TNRC6B: variants seen among roughly 807,000 people sequenced by gnomAD.
TNRC6B encodes the protein trinucleotide repeat-containing gene 6B protein.
In TNRC6B, 52 loss-of-function variants were observed where a neutral mutation model predicts 203.6. The observed-to-expected ratio is 0.26, with a 90% CI of 0.20 to 0.32. TNRC6B has a LOEUF of 0.32. Ranked by LOEUF, TNRC6B falls within the 10% of genes least tolerant of loss-of-function variation. The pLI is 1.00. For synonymous variants in TNRC6B, 838 were observed against 845.7 expected (o/e 0.99, Z 0.16); for missense variants, 1,923 against 2,286.2 (o/e 0.84, Z 3.24).
At chr22:40,232,974 C>T (rs977227155) in intron 1 of TNRC6B, among the ~76,000 whole-genome samples, 1 of 151,290 alleles carries the variant, frequency 6.6e-6, no homozygotes, top group African/African-American at 2.4e-5. Context: ...ATGGTGAAAC[C>T]CTGTCTCTAC....
At chr22:40,230,088 C>CA (rs1426164825) in intron 1 of TNRC6B, among the ~76,000 whole-genome samples, 2 of 152,136 alleles carry the variant, frequency 1.3e-5, no homozygotes, top group Non-Finnish European at 2.9e-5. Context: ...GAGAGAGTTC[C>CA]ATTTGTTAAT....
chr22:40,112,498 G>A (rs903310601), intron 1 of TNRC6B, among the ~76,000 whole-genome samples: 9 of 152,272 alleles, frequency 5.9e-5, no homozygotes, highest in South Asian at 4.2e-4. Context: ...AGGAGGACCC[G>A]ACACAGCCTG....
At chr22:40,251,337 G>A (rs1257180101) in intron 3 of TNRC6B, 137 bp downstream of exon 3, 4 of 615,510 alleles carry the variant, frequency 6.5e-6, no homozygotes, top group African/African-American at 1.9e-5. Context: ...CAGTCACTGA[G>A]GAGCAGTAAT....
chr22:40,104,053 C>A (rs1246773772), intron 1 of TNRC6B, among the ~76,000 whole-genome samples: 1 of 150,668 alleles, frequency 6.6e-6, no homozygotes, highest in East Asian at 2.0e-4. Context: ...GAGTTCAAGA[C>A]CAGCCTGGCC....
chr22:40,315,869 A>C, intron 20 of TNRC6B, 73 bp from the exon 21 acceptor site: 2 of 1,123,538 alleles, frequency 1.8e-6, no homozygotes, highest in Non-Finnish European at 1.3e-6. Context: ...GCTACATGAA[A>C]ATCTTTCTCC....
rs549031277 is a variant in TNRC6B, at chr22:40,053,053, G to A, written c.-121+8055G>A. ...AGCATTTCACCATCCTCTGAATGTC[G>A]ATTTGTGCTTTCTTTTTCCCCCAAA... On this transcript the variant is annotated intron_variant, in intron 1 of 23. Transcript: ENST00000301923. 5.9e-5 allele frequency among the ~76,000 whole-genome samples: 9 copies of A among 151,404 alleles called. No homozygotes were observed. The South Asian group carries it at 1.7e-3, about 28-fold the overall frequency.
intron 2 of TNRC6B, among the ~76,000 whole-genome samples, chr22:40,120,952 G>A (rs1294854178): frequency 6.6e-6 from 1 of 152,134 alleles, no homozygotes; most frequent in African/African-American, 2.4e-5. Flanking sequence ...AAGGGAAAAG[G>A]GAGAGAAAAG....
intron 2 of TNRC6B, 163 bp downstream of exon 2, chr22:40,246,265 C>A: frequency 2.2e-6 from 1 of 447,980 alleles, no homozygotes; most frequent in Non-Finnish European, 4.0e-6. Flanking sequence ...TCTTGGCTCA[C>A]TACAACCTCC....
At chr22:40,125,119 T>C (rs1218464262) in intron 2 of TNRC6B, among the ~76,000 whole-genome samples, 2 of 152,246 alleles carry the variant, frequency 1.3e-5, no homozygotes, top group Admixed American at 1.3e-4. Flanking sequence ...TCATAAAATT[T>C]TAACAAACTT....
At chr22:40,203,378 C>T (rs1294854760) in intron 1 of TNRC6B, among the ~76,000 whole-genome samples, 1 of 152,024 alleles carries the variant, frequency 6.6e-6, no homozygotes, top group Non-Finnish European at 1.5e-5. Flanking sequence ...TTTGCCCTTC[C>T]GTAACAAAAG....
chr22:40,155,995 TC>T, intron 3 of TNRC6B: 1 of 787,404 alleles, frequency 1.3e-6, no homozygotes, highest in Non-Finnish European at 2.0e-6. Flanking sequence ...GGCCCAGGCT[TC>T]TGTTCTGTGC....
At position 40,335,645 on chromosome 22, in the gene TNRC6B, A is replaced by G. The variant is rs1469571735; in HGVS notation, c.*12404A>G. ...CTGAAGGGTTTTTTTTGGGCTTTTAAACAGCTTATTTTTGTTTTTGTTTAG... is the reference window on the plus strand; with the variant it reads ...CTGAAGGGTTTTTTTTGGGCTTTTAGACAGCTTATTTTTGTTTTTGTTTAG... On this transcript the variant is annotated 3_prime_UTR_variant, in exon 23 of 23. Transcript: ENST00000454349. 6 of 150,912 alleles carry G rather than the reference A, an allele frequency of 4.0e-5. No individual in the cohort carries two copies. In the East Asian group the frequency reaches 1.2e-3, roughly 29 times the overall value. The allele number at this position is 150,912 out of a possible 1,614,324, so 9.3% of individuals were successfully genotyped here. A position where few individuals can be genotyped will look rare whatever the true frequency, so the allele number is the denominator to read the frequency against.
chr22:40,217,970 C>T, intron 1 of TNRC6B, among the ~76,000 whole-genome samples: 1 of 59,990 alleles, frequency 1.7e-5, no homozygotes, highest in African/African-American at 3.3e-5. Flanking sequence ...AAGACTCCAT[C>T]TCAAAAAAAA....
intron 1 of TNRC6B, among the ~76,000 whole-genome samples, chr22:40,216,625 CAG>C (rs902076298): frequency 1.3e-5 from 2 of 152,106 alleles, no homozygotes; most frequent in African/African-American, 4.8e-5. Flanking sequence ...AATAAAAAAA[CAG>C]AAACAAAAAC....
chr22:40,082,148 T>C (rs1245310821), intron 1 of TNRC6B, among the ~76,000 whole-genome samples: 1 of 152,260 alleles, frequency 6.6e-6, no homozygotes, highest in South Asian at 2.1e-4. Flanking sequence ...CTGCTTGTTC[T>C]ACTTTTGTAT....
intron 12 of TNRC6B, among the ~76,000 whole-genome samples, chr22:40,298,657 T>A (rs1601502182): frequency 6.6e-6 from 1 of 152,332 alleles, no homozygotes; most frequent in Non-Finnish European, 1.5e-5. Context: ...TAACTTGCTC[T>A]GAGTCAGCTT....
chr22:40,084,143 C>A (rs938137971), intron 1 of TNRC6B, among the ~76,000 whole-genome samples: 1 of 151,986 alleles, frequency 6.6e-6, no homozygotes, highest in Non-Finnish European at 1.5e-5. Context: ...AAGGTTCTTG[C>A]AAGTAAGTGA....
At chr22:40,305,462 C>T (rs1272132386) in intron 15 of TNRC6B, among the ~76,000 whole-genome samples, 2 of 152,140 alleles carry the variant, frequency 1.3e-5, no homozygotes, top group African/African-American at 2.4e-5. Flanking sequence ...TGTAAATAGC[C>T]GAAGGTCACT....
chr22:40,128,395 G>A (rs989151550), intron 3 of TNRC6B, among the ~76,000 whole-genome samples: 3 of 152,160 alleles, frequency 2.0e-5, no homozygotes, highest in Non-Finnish European at 1.5e-5. Context: ...TTAACAGAAG[G>A]CCATTAGGAA....
Sources: gnomAD v4.1 joint callset for allele counts (sites outside exome capture counted in the v4.1 genomes callset) on GRCh38, gnomAD v4.1.1 for gene constraint, MANE v1.5 for transcripts, NCBI Gene and HGNC (gene_info 2026-07-23, HGNC 2026-07-21) for gene names.